LRBA: variants seen among roughly 807,000 people sequenced by gnomAD.
LRBA encodes the protein LPS responsive beige-like anchor protein, also known as lipopolysaccharide-responsive and beige-like anchor protein.
A neutral mutation model predicts 330.0 loss-of-function variants in LRBA; 176 were observed. The ratio of observed to expected loss-of-function variants is 0.53; its 90% confidence interval spans 0.47 to 0.60. LRBA has a LOEUF of 0.60. Ranked by LOEUF, LRBA falls within the 20% of genes least tolerant of loss-of-function variation. LRBA has a pLI of 0.00. For synonymous variants in LRBA, 1,230 were observed against 1,193.0 expected, an observed-to-expected ratio of 1.03 and a Z score of -0.64; for missense variants, 3,259 against 3,444.8, an observed-to-expected ratio of 0.95 and a Z score of 1.35.
At position 150,798,149 on chromosome 4, in the gene LRBA, T is replaced by C. The variant is rs1578813761; in HGVS notation, c.5519-7A>G. 3.2e-6 allele frequency: 5 copies of C among 1,577,492 alleles called. No individual in the cohort carries two copies. The highest frequency in any genetic ancestry group is 4.4e-6 in the Non-Finnish European group (5 of 1,147,082). On this transcript the variant is annotated splice_region_variant and splice_polypyrimidine_tract_variant and intron_variant, in intron 33 of 56. Coordinates refer to ENST00000651943, the MANE Select transcript of LRBA (RefSeq NM_001364905.1). Reference sequence around the variant, plus strand: ...GACTTCATGCAAACCAGACCTATTTTAAAGAGAATTTTAAAAAAGAAGTTA... The same window carrying C: ...GACTTCATGCAAACCAGACCTATTTCAAAGAGAATTTTAAAAAAGAAGTTA...
chr4:150,421,253 A>T (rs980100966), intron 46 of LRBA, among the ~76,000 whole-genome samples: 3 of 128,388 alleles, frequency 2.3e-5, no homozygotes, highest in African/African-American at 8.0e-5. Context: ...TACATATATC[A>T]TACATATTTT....
At chr4:150,723,594 A>G (rs536930950) in intron 36 of LRBA, among the ~76,000 whole-genome samples, 14 of 152,320 alleles carry the variant, frequency 9.2e-5, no homozygotes, top group African/African-American at 3.4e-4. Context: ...TTGGGCTTTG[A>G]GACTTACTAG....
At chr4:150,536,648 A>C (rs1283615809) in intron 40 of LRBA, among the ~76,000 whole-genome samples, 1 of 152,354 alleles carries the variant, frequency 6.6e-6, no homozygotes, top group South Asian at 2.1e-4. Context: ...AGCGTTAAAA[A>C]ATGTTTACAT....
chr4:150,503,413 A>T (rs1202443667), intron 40 of LRBA, among the ~76,000 whole-genome samples: 1 of 152,188 alleles, frequency 6.6e-6, no homozygotes, highest in Non-Finnish European at 1.5e-5. Flanking sequence ...GCTGTTCTGC[A>T]GCCACCGCTG....
At chr4:150,443,872 A>ATATATATATATTT (rs1752214909) in intron 44 of LRBA, among the ~76,000 whole-genome samples, 2 of 88,434 alleles carry the variant, frequency 2.3e-5, no homozygotes, top group African/African-American at 8.3e-5. Flanking sequence ...ATATATATAT[A>ATATATATATATTT]TTTTTTTTTT....
At chr4:150,428,349 G>T (rs1749917053) in intron 46 of LRBA, among the ~76,000 whole-genome samples, 1 of 151,910 alleles carries the variant, frequency 6.6e-6, no homozygotes. Flanking sequence ...GTCCATGTTC[G>T]CAAAGCTATC....
chr4:150,313,209 GTAA>G (rs922895824), intron 51 of LRBA, among the ~76,000 whole-genome samples: 9 of 151,916 alleles, frequency 5.9e-5, no homozygotes, highest in African/African-American at 1.9e-4. Context: ...AGATAAAAAA[GTAA>G]TAATGTGAAA....
chr4:150,843,914 G>A (rs183698832), intron 28 of LRBA, among the ~76,000 whole-genome samples, 186 bp downstream of exon 28: 60 of 152,108 alleles, frequency 3.9e-4, no homozygotes, highest in African/African-American at 1.4e-3. Flanking sequence ...CTGCTAGCTC[G>A]CTTTATATAA....
In LRBA at chr4:150,371,181, A is replaced by ATTTTTTTTTTTTT. The variant is rs1274384749; in HGVS notation, c.7195-21023_7195-21022insAAAAAAAAAAAAA. ...GAAAAGCATGAGCTGCAAGCTACTA[A>ATTTTTTTTTTTTT]ATTTTTTTTTTTTTTTTTTTTTTTT... On this transcript the variant is annotated intron_variant, in intron 47 of 56. Coordinates refer to ENST00000651943, the MANE Select transcript of LRBA (RefSeq NM_001364905.1). Among the ~76,000 whole-genome samples the ATTTTTTTTTTTTT allele has an allele frequency of 9.5e-5, 13 of 136,814 alleles. 1 individual carries two copies. Among genetic ancestry groups the ATTTTTTTTTTTTT allele is most frequent in the African/African-American group, 4.1e-4 (13 of 31,330 alleles). The allele number at this position is 136,814 out of a possible 152,430, so 89.8% of individuals were successfully genotyped here. A position where few individuals can be genotyped will look rare whatever the true frequency, so the allele number is the denominator to read the frequency against.
chr4:150,809,846 TTAAAA>T (rs1486935854), intron 31 of LRBA, among the ~76,000 whole-genome samples: 6 of 147,062 alleles, frequency 4.1e-5, no homozygotes, highest in Admixed American at 2.7e-4. Flanking sequence ...AGACCCTGTC[TTAAAA>T]TACGATACGA....
At chr4:150,713,283 G>A (rs1467639229) in intron 36 of LRBA, among the ~76,000 whole-genome samples, 2 of 152,114 alleles carry the variant, frequency 1.3e-5, no homozygotes, top group Admixed American at 1.3e-4. Context: ...ATGATCATCT[G>A]TACCATAAAG....
intron 37 of LRBA, among the ~76,000 whole-genome samples, chr4:150,675,877 A>G (rs1782497923): frequency 6.6e-6 from 1 of 152,164 alleles, no homozygotes; most frequent in South Asian, 2.1e-4. Flanking sequence ...TTAACATATA[A>G]AGCTCTAAAT....
intron 34 of LRBA, among the ~76,000 whole-genome samples, chr4:150,769,655 C>T (rs530431004): frequency 2.6e-5 from 4 of 152,270 alleles, no homozygotes; most frequent in Admixed American, 2.6e-4. Context: ...ATCTTTTTTA[C>T]TCAGTCTACC....
At chr4:150,380,053 C>T (rs1442651115) in intron 47 of LRBA, among the ~76,000 whole-genome samples, 1 of 149,354 alleles carries the variant, frequency 6.7e-6, no homozygotes, top group Non-Finnish European at 1.5e-5. Flanking sequence ...GTGGCACACA[C>T]TTGTAATCCC....
At chr4:150,766,424 C>T (rs991179058) in intron 34 of LRBA, among the ~76,000 whole-genome samples, 12 of 151,984 alleles carry the variant, frequency 7.9e-5, no homozygotes, top group Non-Finnish European at 1.8e-4. Context: ...TGTTTATAAT[C>T]CAGGTGTTAG....
chr4:150,329,951 GTC>G (rs1396336851), intron 48 of LRBA, among the ~76,000 whole-genome samples: 1 of 152,052 alleles, frequency 6.6e-6, no homozygotes. Context: ...TATTATAACA[GTC>G]TCTTTGCTGG....
chr4:150,502,725 C>A (rs1760447624), intron 40 of LRBA, among the ~76,000 whole-genome samples: 1 of 152,204 alleles, frequency 6.6e-6, no homozygotes, highest in Non-Finnish European at 1.5e-5. Context: ...GGGTGCAGCG[C>A]ACCGTGCGTG....
At chr4:150,966,212 G>A (rs144869166) in intron 2 of LRBA, among the ~76,000 whole-genome samples, 1 of 152,220 alleles carries the variant, frequency 6.6e-6, no homozygotes, top group Non-Finnish European at 1.5e-5. Context: ...AGCAACTTAT[G>A]AGGCAAATGC....
At chr4:150,559,557 T>C (rs1047898762) in intron 40 of LRBA, among the ~76,000 whole-genome samples, 2 of 124,184 alleles carry the variant, frequency 1.6e-5, no homozygotes, top group African/African-American at 6.1e-5. Flanking sequence ...TAAATATATA[T>C]ATTTATATAA....
Sources: allele counts gnomAD v4.1 joint callset (sites outside exome capture counted in the v4.1 genomes callset), GRCh38; gene constraint gnomAD v4.1.1; transcripts MANE v1.5; gene names NCBI Gene and HGNC (gene_info 2026-07-23, HGNC 2026-07-21).